ARHGEF4: variants seen among roughly 807,000 people sequenced by gnomAD.
ARHGEF4 encodes APC-stimulated guanine nucleotide exchange factor 1.
In ARHGEF4, 119 loss-of-function variants were observed where a neutral mutation model predicts 162.0. That is an observed-to-expected ratio of 0.73 (90% CI 0.63 to 0.86). ARHGEF4 has a LOEUF of 0.86. Among genes scored for constraint, ARHGEF4 ranks in the 40% least tolerant of loss-of-function variants. ARHGEF4 has a pLI of 0.00. For synonymous variants in ARHGEF4, 1,014 were observed against 979.9 expected (o/e 1.03, Z -0.65); for missense variants, 2,488 against 2,456.0 (o/e 1.01, Z -0.28).
chr2:130,891,260 T>C (rs1341816047), intron 1 of ARHGEF4, among the ~76,000 whole-genome samples: 2 of 152,236 alleles, frequency 1.3e-5, no homozygotes, highest in Non-Finnish European at 2.9e-5. Context: ...GTTCTGGGTA[T>C]ACAGCTGGGG....
chr2:130,910,982 A>AATT (rs1284218512), intron 1 of ARHGEF4, among the ~76,000 whole-genome samples: 5 of 152,248 alleles, frequency 3.3e-5, no homozygotes, highest in Non-Finnish European at 7.3e-5. Flanking sequence ...ATATTCTCTA[A>AATT]AAAGTGAATG....
chr2:130,897,268 GC>G (rs1286814600), intron 1 of ARHGEF4, among the ~76,000 whole-genome samples: 2 of 152,218 alleles, frequency 1.3e-5, no homozygotes, highest in Admixed American at 6.5e-5. Context: ...TCCCGGAAAG[GC>G]TGGAGCTGTT....
intron 4 of ARHGEF4, among the ~76,000 whole-genome samples, chr2:131,005,504 T>G (rs528093981): frequency 6.6e-6 from 1 of 152,296 alleles, no homozygotes; most frequent in South Asian, 2.1e-4. Flanking sequence ...TGTGTTGAAG[T>G]GCGCCTCTGG....
chr2:131,028,346 G>T (rs1237744744), intron 5 of ARHGEF4, among the ~76,000 whole-genome samples: 1 of 152,160 alleles, frequency 6.6e-6, no homozygotes, highest in Admixed American at 6.5e-5. Context: ...CACCTTATGG[G>T]GCTGTCCTAG....
At position 130,916,950 on chromosome 2, in the gene ARHGEF4, G is replaced by A; in HGVS notation, c.3004G>A (p.Asp1002Asn). The change falls in exon 2 of 14, where the codon GAT becomes AAT. Residue 1002 changes from aspartate to asparagine, a missense_variant. Asp to Asn is a conservative substitution (Grantham distance 23). Transcript: ENST00000409359. ...GGACAAAGAGGGCTATGTTTTTAGCGATCACTGGGCACCCCCACTTGCCTC... is the reference window on the plus strand; with the variant it reads ...GGACAAAGAGGGCTATGTTTTTAGCAATCACTGGGCACCCCCACTTGCCTC... ...AEDKEGYVFS[D>N]HWAPPLASTP... 1 of 1,550,738 alleles carries A rather than the reference G, an allele frequency of 6.4e-7. No individual in the cohort carries two copies. Among genetic ancestry groups the A allele is most frequent in the Non-Finnish European group, 8.7e-7 (1 of 1,147,048 alleles).
At chr2:131,024,100 C>T (rs1453016630) in intron 4 of ARHGEF4, among the ~76,000 whole-genome samples, 1 of 152,200 alleles carries the variant, frequency 6.6e-6, no homozygotes, top group Admixed American at 6.5e-5. Flanking sequence ...CCTATACACA[C>T]ACATTGTACT....
intron 4 of ARHGEF4, among the ~76,000 whole-genome samples, chr2:130,973,711 A>T (rs941477943): frequency 6.6e-5 from 10 of 152,166 alleles, no homozygotes; most frequent in African/African-American, 2.4e-4. Flanking sequence ...AAGGCTCAGC[A>T]TCTCTTCCAA....
chr2:131,016,334 C>T (rs574791748), intron 4 of ARHGEF4, among the ~76,000 whole-genome samples: 80 of 152,322 alleles, frequency 5.3e-4, no homozygotes, highest in African/African-American at 1.4e-3. Flanking sequence ...GTGTCTGTGG[C>T]GCATACCCAA....
At chr2:131,021,628 A>G (rs939829572) in intron 4 of ARHGEF4, among the ~76,000 whole-genome samples, 2 of 152,210 alleles carry the variant, frequency 1.3e-5, no homozygotes, top group African/African-American at 4.8e-5. Flanking sequence ...AAATTGACAA[A>G]TGGGATCTAA....
At position 130,838,466 on chromosome 2, in the gene ARHGEF4, C is replaced by T. The variant is rs181221593; in HGVS notation, c.39+1474C>T. On this transcript the variant is annotated intron_variant, in intron 1 of 13. Coordinates refer to ENST00000409359, the MANE Select transcript of ARHGEF4 (RefSeq NM_001367493.1). ...ACTAAAAATACAAAAATCAGCCGGG[C>T]GCGGTAGTGGGCGCCTGTAATCCCA... Among the ~76,000 whole-genome samples the T allele has an allele frequency of 4.3e-3, 651 of 152,172 alleles. 8 individuals are homozygous for T. Among genetic ancestry groups the T allele is most frequent in the African/African-American group, 0.015 (628 of 41,530 alleles).
intron 2 of ARHGEF4, 30 bp from the exon 3 acceptor site, chr2:130,930,922 G>T: frequency 6.4e-7 from 1 of 1,573,176 alleles, no homozygotes; most frequent in South Asian, 1.2e-5. Context: ...TTTGACCTCT[G>T]ACCCCTGACC....
intron 1 of ARHGEF4, among the ~76,000 whole-genome samples, chr2:130,893,392 T>TG (rs1181212999): frequency 6.6e-6 from 1 of 152,214 alleles, no homozygotes; most frequent in Non-Finnish European, 1.5e-5. Context: ...GCACAGCACC[T>TG]GGCACACAGT....
chr2:130,970,541 A>T (rs370057779), intron 4 of ARHGEF4, among the ~76,000 whole-genome samples: 2 of 151,816 alleles, frequency 1.3e-5, no homozygotes, highest in East Asian at 3.9e-4. Context: ...GTGAGCCAAG[A>T]TCACATCATT....
At chr2:130,989,665 A>C (rs775979773) in intron 4 of ARHGEF4, among the ~76,000 whole-genome samples, 3 of 152,166 alleles carry the variant, frequency 2.0e-5, no homozygotes, top group Non-Finnish European at 4.4e-5. Context: ...TTTTCTGTGC[A>C]TTTAGTCATA....
intron 1 of ARHGEF4, among the ~76,000 whole-genome samples, chr2:130,907,842 G>A (rs1403878669): frequency 1.3e-5 from 2 of 151,742 alleles, no homozygotes; most frequent in Admixed American, 1.3e-4. Context: ...TATAGTCCCA[G>A]CTACTCGGGA....
chr2:130,946,643 AC>A lies in ARHGEF4; in HGVS notation c.3985+9del, dbSNP rs1243925182. ...AGCACACACCAGGCACTGGTGAGTT[AC>A]GCGCCTCTCTCTTTTGCTATGTACT... On this transcript the variant is annotated intron_variant, in intron 4 of 13. Transcript: ENST00000409359. The A allele has an allele frequency of 5.0e-6, 8 of 1,613,778 alleles. No homozygotes were observed. The highest frequency in any genetic ancestry group is 6.8e-6 in the Non-Finnish European group (8 of 1,179,770).
chr2:130,837,351 G>T (rs919935176), intron 1 of ARHGEF4: 1 of 341,248 alleles, frequency 2.9e-6, no homozygotes, highest in South Asian at 3.1e-5. Context: ...CGGCCTGGGC[G>T]CGCAGGGCAC....
At chr2:130,874,786 A>G (rs1184478176) in intron 1 of ARHGEF4, among the ~76,000 whole-genome samples, 1 of 151,974 alleles carries the variant, frequency 6.6e-6, no homozygotes, top group African/African-American at 2.4e-5. Context: ...CCACCTCCCC[A>G]TCTTTCACCG....
chr2:130,919,685 G>T (rs1681749623), intron 2 of ARHGEF4, among the ~76,000 whole-genome samples: 1 of 152,134 alleles, frequency 6.6e-6, no homozygotes, highest in Admixed American at 6.5e-5. Flanking sequence ...AGACCAGCCT[G>T]GCCAACATGG....
Sources: allele counts gnomAD v4.1 joint callset (sites outside exome capture counted in the v4.1 genomes callset), GRCh38; gene constraint gnomAD v4.1.1; transcripts MANE v1.5; gene names NCBI Gene and HGNC (gene_info 2026-07-23, HGNC 2026-07-21).